Variants in SUN1 observed in about 807,000 individuals in gnomAD.
The protein encoded by SUN1 is Sad1 and UNC84 domain containing 1.
Under a neutral mutation model 103.2 loss-of-function variants are expected in SUN1, and 61 were observed. The observed-to-expected ratio is 0.59, with a 90% CI of 0.48 to 0.73. SUN1 has a LOEUF of 0.73. Ranked by LOEUF, SUN1 falls within the 30% of genes least tolerant of loss-of-function variation. SUN1 has a pLI of 0.00. For missense variants in SUN1, 1,052 were observed against 1,034.6 expected, an observed-to-expected ratio of 1.02 and a Z score of -0.23; for synonymous variants, 490 against 425.7, an observed-to-expected ratio of 1.15 and a Z score of -1.86.
intron 1 of SUN1, among the ~76,000 whole-genome samples, chr7:836,508 C>T (rs916422857): frequency 3.3e-5 from 5 of 152,132 alleles, no homozygotes; most frequent in African/African-American, 7.2e-5. Context: ...AGGAGAACCA[C>T]GGTATAGTTC....
chr7:849,969 C>T lies in SUN1; in HGVS notation c.659-1415C>T, dbSNP rs748435160. ...GGCACCTCGACGCGCACACAGCCGCCCACTCGCAGTCGCCACGGCTGCCCG... is the reference window on the plus strand; with the variant it reads ...GGCACCTCGACGCGCACACAGCCGCTCACTCGCAGTCGCCACGGCTGCCCG... On this transcript the variant is annotated intron_variant, in intron 5 of 18. Transcript: ENST00000401592. The T allele has an allele frequency of 5.6e-6, 9 of 1,602,576 alleles. No homozygotes were observed. In the African/African-American group the frequency reaches 1.1e-4, roughly 19 times the overall value.
intron 5 of SUN1, among the ~76,000 whole-genome samples, chr7:848,051 T>G (rs796595861): frequency 3.8e-4 from 57 of 151,074 alleles, no homozygotes; most frequent in African/African-American, 1.2e-3. Flanking sequence ...CGGGATCCCC[T>G]GGGGGTTACC....
In SUN1 at chr7:826,880, G is replaced by A. The variant is rs1016818338; in HGVS notation, c.-74+10207G>A. ...TTCGTAGAAAATAATTATCAACTCG[G>A]TATTGACGGTTGCTGTTTATAGGCT... On this transcript the variant is annotated intron_variant, in intron 1 of 17. Transcript: ENST00000389574. Among the ~76,000 whole-genome samples, 3 of 152,274 alleles carry A rather than the reference G, an allele frequency of 2.0e-5. No individual in the cohort carries two copies. The South Asian group carries it at 6.2e-4, about 32-fold the overall frequency.
chr7:869,369 C>G lies in SUN1; in HGVS notation c.2001C>G (p.Asn667Lys). 4 of 1,613,824 alleles carry G rather than the reference C, an allele frequency of 2.5e-6. No individual in the cohort carries two copies. Among genetic ancestry groups the G allele is most frequent in the Non-Finnish European group, 3.4e-6 (4 of 1,179,816 alleles). Reference protein sequence around the residue: ...VVIQPDIYPGNCWAFKGSQGY... With the variant: ...VVIQPDIYPGKCWAFKGSQGY... ...CCCAGCCTGACATTTACCCCGGTAACTGCTGGGCATTTAAAGGCTCCCAGG... is the reference window on the plus strand; with the variant it reads ...CCCAGCCTGACATTTACCCCGGTAAGTGCTGGGCATTTAAAGGCTCCCAGG... Residue 667 changes from asparagine (N) to lysine (K), a missense_variant, in exon 17 of 19, where the codon AAC becomes AAG. Physicochemically the swap from Asn to Lys is moderately conservative, Grantham distance 94. Transcript: ENST00000401592.
At chr7:844,338 G>A (rs1034251571) in intron 5 of SUN1, among the ~76,000 whole-genome samples, 3 of 152,204 alleles carry the variant, frequency 2.0e-5, no homozygotes, top group African/African-American at 4.8e-5. Context: ...TCGAGCTCAC[G>A]TTCTGCTGTG....
chr7:828,563 T>C (rs747954433), upstream of SUN1, among the ~76,000 whole-genome samples: 3 of 152,166 alleles, frequency 2.0e-5, no homozygotes, highest in South Asian at 6.2e-4. Flanking sequence ...TGAGCCACCA[T>C]GCCCGGCTGG....
In SUN1 at chr7:852,786, TG is replaced by T. The variant is rs141504197; in HGVS notation, c.911-23del. The T allele has an allele frequency of 5.5e-4, 879 of 1,611,294 alleles. 7 individuals are homozygous for T. In the African/African-American group the frequency reaches 0.011, roughly 20 times the overall value. Reference sequence around the variant, plus strand: ...TTGAGAAGCGTGGTGTACCTGTGTGTGTGTGGTGGCTCTTCTCTTTTAGCAG... The same window carrying T: ...TTGAGAAGCGTGGTGTACCTGTGTGTTGTGGTGGCTCTTCTCTTTTAGCAG... On this transcript the variant is annotated intron_variant, in intron 8 of 18. Coordinates refer to ENST00000401592, the MANE Select transcript of SUN1 (RefSeq NM_001130965.3).
intron 17 of SUN1, 136 bp downstream of exon 17, chr7:869,652 G>A (rs921046138): frequency 2.8e-6 from 3 of 1,090,552 alleles, no homozygotes; most frequent in African/African-American, 3.2e-5. Flanking sequence ...GGTGTTGAGG[G>A]GAACATTCCA....
chr7:828,461 G>A (rs562399474), upstream of SUN1, among the ~76,000 whole-genome samples: 126 of 151,950 alleles, frequency 8.3e-4, 1 homozygote, highest in African/African-American at 3.0e-3. Context: ...TAGTAGAGAC[G>A]GGGTTTCACC....
At chr7:837,821 G>A (rs1329676329) in intron 1 of SUN1, among the ~76,000 whole-genome samples, 1 of 152,230 alleles carries the variant, frequency 6.6e-6, no homozygotes, top group African/African-American at 2.4e-5. Flanking sequence ...TGTTATGGAT[G>A]GTGGCTGGGT....
chr7:848,314 C>T (rs997857689), intron 5 of SUN1: 2 of 999,824 alleles, frequency 2.0e-6, no homozygotes, highest in South Asian at 2.8e-5. Flanking sequence ...CTTTGGTGTC[C>T]ATTCTAAAAG....
Position 874,172 on chromosome 7 carries a change from C to G in SUN1, c.*841C>G, listed in dbSNP as rs1282387376. 1 of 152,360 alleles carries G rather than the reference C, an allele frequency of 6.6e-6. No individual in the cohort carries two copies. The highest frequency in any genetic ancestry group is 1.5e-5 in the Non-Finnish European group (1 of 68,042). The allele number at this position is 152,360 out of a possible 1,614,324, so 9.4% of individuals were successfully genotyped here. On this transcript the variant is annotated 3_prime_UTR_variant, in exon 19 of 19. Transcript: ENST00000401592. ...AGGGAGCGCAAGACGCCCTGAGCCTCCCTCTCACTGGTGGTGATAAGAGGA... is the reference window on the plus strand; with the variant it reads ...AGGGAGCGCAAGACGCCCTGAGCCTGCCTCTCACTGGTGGTGATAAGAGGA...
chr7:829,558 T>TG (rs1448845379), upstream of SUN1, among the ~76,000 whole-genome samples: 1 of 148,696 alleles, frequency 6.7e-6, no homozygotes. Context: ...GTTTTTTTTT[T>TG]TGTTTTTTTT....
intron 17 of SUN1, among the ~76,000 whole-genome samples, chr7:870,458 T>C (rs1374870207): frequency 6.6e-6 from 1 of 151,670 alleles, no homozygotes; most frequent in Non-Finnish European, 1.5e-5. Flanking sequence ...GGCTTATGCG[T>C]GCCTGTCATC....
chr7:820,064 G>A (rs1420866716), intron 1 of SUN1, among the ~76,000 whole-genome samples: 1 of 152,182 alleles, frequency 6.6e-6, no homozygotes, highest in Non-Finnish European at 1.5e-5. Context: ...GGGACCCATT[G>A]CAGTTCCATA....
chr7:869,139 AC>A, intron 16 of SUN1: 1 of 605,688 alleles, frequency 1.7e-6, no homozygotes, highest in Non-Finnish European at 2.9e-6. Context: ...GGTCGTTTTA[AC>A]TTTTATACAA....
At position 851,484 on chromosome 7, in the gene SUN1, T is replaced by G. The variant is rs201477098; in HGVS notation, c.757+2T>G. On this transcript the variant is annotated splice_donor_variant, in intron 6 of 18. Transcript: ENST00000401592. LOFTEE classifies it high-confidence loss of function. Reference sequence around the variant, plus strand: ...TTTGGCTGGCCGTGGTTGCTCCAGGTGGCTATTTTGGGTTTCTGTGTTGCG... The same window carrying G: ...TTTGGCTGGCCGTGGTTGCTCCAGGGGGCTATTTTGGGTTTCTGTGTTGCG... 3 of 1,599,918 alleles carry G rather than the reference T, an allele frequency of 1.9e-6. No homozygotes were observed. Among genetic ancestry groups the G allele is most frequent in the Non-Finnish European group, 2.6e-6 (3 of 1,173,122 alleles).
chr7:818,430 C>A (rs1264504813), intron 1 of SUN1, among the ~76,000 whole-genome samples: 1 of 152,154 alleles, frequency 6.6e-6, no homozygotes, highest in Non-Finnish European at 1.5e-5. Context: ...TATGTTTATC[C>A]TTTAGTCTGT....
At position 874,597 on chromosome 7, in the gene SUN1, C is replaced by G. The variant is rs1843379444; in HGVS notation, c.*1266C>G. 6.6e-6 allele frequency: 1 copy of G among 152,376 alleles called. No individual in the cohort carries two copies. Among genetic ancestry groups the G allele is most frequent in the African/African-American group, 2.4e-5 (1 of 41,424 alleles). 9.4% of individuals were successfully genotyped at this position (152,376 alleles called of 1,614,324 possible). ...TGTATGAAACTATTCATACATCAAG[C>G]AGCATTTTTTTCACTCTCCTTAGAA... On this transcript the variant is annotated 3_prime_UTR_variant, in exon 19 of 19. Coordinates refer to ENST00000401592, the MANE Select transcript of SUN1 (RefSeq NM_001130965.3).
Sources: allele counts gnomAD v4.1 joint callset (sites outside exome capture counted in the v4.1 genomes callset), GRCh38; gene constraint gnomAD v4.1.1; transcripts MANE v1.5; gene names NCBI Gene and HGNC (gene_info 2026-07-23, HGNC 2026-07-21).